The following FRY variants were observed in gnomAD, a reference collection of about 807,000 sequenced individuals.
FRY encodes FRY microtubule binding protein, also known as protein furry homolog.
A neutral mutation model predicts 348.4 loss-of-function variants in FRY; 128 were observed. The ratio of observed to expected loss-of-function variants is 0.37; its 90% CI spans 0.32 to 0.43. The LOEUF is 0.43. FRY is among the 20% of genes least tolerant of loss of function. FRY has a pLI of 1.00. For missense variants in FRY, 2,736 were observed against 3,695.2 expected (o/e 0.74, Z 6.73); for synonymous variants, 1,370 against 1,374.7 (o/e 1.00, Z 0.08).
chr13:32,093,816 C>T (rs1876498352), intron 2 of FRY, among the ~76,000 whole-genome samples: 1 of 152,174 alleles, frequency 6.6e-6, no homozygotes, highest in African/African-American at 2.4e-5. Flanking sequence ...TTCAGGGACC[C>T]ATCACCCCAA....
chr13:32,058,728 GTGAC>G (rs1768335248), intron 1 of FRY, among the ~76,000 whole-genome samples: 1 of 152,174 alleles, frequency 6.6e-6, no homozygotes, highest in South Asian at 2.1e-4. Context: ...GGCACCAAAG[GTGAC>G]TGCACTCTGG....
At chr13:32,072,279 G>A (rs1566055481) in intron 1 of FRY, among the ~76,000 whole-genome samples, 1 of 152,086 alleles carries the variant, frequency 6.6e-6, no homozygotes, top group Non-Finnish European at 1.5e-5. Context: ...AATTAAGCTT[G>A]CCTTTGGTTA....
At chr13:32,062,504 A>G (rs779511406) in intron 1 of FRY, among the ~76,000 whole-genome samples, 3 of 152,212 alleles carry the variant, frequency 2.0e-5, no homozygotes, top group Non-Finnish European at 4.4e-5. Context: ...ATCAGAAACA[A>G]CTAATCTGCT....
intron 2 of FRY, among the ~76,000 whole-genome samples, chr13:32,083,648 C>T (rs1293058348): frequency 1.3e-5 from 2 of 152,148 alleles, no homozygotes; most frequent in African/African-American, 4.8e-5. Context: ...CTTTCTGCAC[C>T]TAGAAGGTGA....
intron 55 of FRY, among the ~76,000 whole-genome samples, chr13:32,269,845 G>C (rs545908527): frequency 1.3e-5 from 2 of 152,160 alleles, no homozygotes; most frequent in African/African-American, 4.8e-5. Flanking sequence ...GAGCCTGGAG[G>C]CCCTTCTTAT....
chr13:32,122,147 A>T (rs1447774093), intron 4 of FRY, among the ~76,000 whole-genome samples: 1 of 152,180 alleles, frequency 6.6e-6, no homozygotes, highest in Non-Finnish European at 1.5e-5. Context: ...ATAGATGCAG[A>T]AAAAGCATTA....
rs374190670 is a variant in FRY, at chr13:32,123,580, C to T, written c.465-706C>T. Among the ~76,000 whole-genome samples the T allele has an allele frequency of 2.2e-3, 332 of 152,282 alleles. 12 individuals are homozygous for T. The South Asian group carries it at 0.065, about 30-fold the overall frequency. On this transcript the variant is annotated intron_variant, in intron 4 of 60. Transcript: ENST00000542859. ...CTTGTTTCCTTACATTGTTTAGCTC[C>T]TTTCACGAGATCTTTCAATGTCCAC...
intron 1 of FRY, among the ~76,000 whole-genome samples, chr13:32,054,866 C>T (rs767949772): frequency 5.9e-5 from 9 of 152,088 alleles, no homozygotes; most frequent in Non-Finnish European, 1.2e-4. Context: ...CGGAGCGAGA[C>T]TCCGTCTCAA....
intron 51 of FRY, among the ~76,000 whole-genome samples, chr13:32,254,732 A>G (rs1887249703): frequency 6.6e-6 from 1 of 152,234 alleles, no homozygotes; most frequent in Non-Finnish European, 1.5e-5. Context: ...TAGCCTGTTC[A>G]CTGGTACCTG....
At chr13:32,085,638 A>G (rs993696770) in intron 2 of FRY, among the ~76,000 whole-genome samples, 8 of 152,194 alleles carry the variant, frequency 5.3e-5, no homozygotes, top group African/African-American at 1.7e-4. Flanking sequence ...CTGAGCATGT[A>G]GGAGATGCTC....
intron 4 of FRY, among the ~76,000 whole-genome samples, chr13:32,119,035 T>G (rs555924572): frequency 1.3e-5 from 2 of 152,294 alleles, no homozygotes; most frequent in Admixed American, 6.5e-5. Context: ...GGATTAAAAA[T>G]TATAGTTTTT....
intron 47 of FRY, 32 bp downstream of exon 47, chr13:32,244,214 A>C (rs768927937): frequency 1.1e-5 from 18 of 1,602,754 alleles, no homozygotes; most frequent in Non-Finnish European, 1.5e-5. Context: ...CTAAGCAACC[A>C]GTCGTTCTAA....
intron 29 of FRY, among the ~76,000 whole-genome samples, chr13:32,200,289 T>G (rs549812494): frequency 5.9e-5 from 9 of 152,318 alleles, no homozygotes; most frequent in Admixed American, 2.0e-4. Flanking sequence ...TCTTAGATAA[T>G]GTAATTATGT....
intron 1 of FRY, among the ~76,000 whole-genome samples, chr13:32,042,504 A>G (rs1037821298): frequency 2.8e-5 from 4 of 142,310 alleles, no homozygotes; most frequent in Non-Finnish European, 4.4e-5. Context: ...TGGAGATGGG[A>G]CTGTTAATTA....
intron 58 of FRY, among the ~76,000 whole-genome samples, chr13:32,283,881 T>A (rs920040779): frequency 5.3e-5 from 8 of 152,242 alleles, no homozygotes; most frequent in Admixed American, 1.3e-4. Context: ...AATCAGCATT[T>A]CCAACTAATG....
In FRY at chr13:32,247,481, C is replaced by T; in HGVS notation, c.6987C>T (p.Asp2329=). The T allele has an allele frequency of 6.2e-7, 1 of 1,612,946 alleles. No individual in the cohort carries two copies. Among genetic ancestry groups the T allele is most frequent in the Non-Finnish European group, 8.5e-7 (1 of 1,179,002 alleles). ...AGGAATTACCTGGGAAAACCCTGGA[C>T]TTCCACTTCGATATTTCGGAGGTAC... ...ASKELPGKTL[D]FHFDISETPI... is the part of the protein sequence containing the mutation. The change falls in exon 48 of 61, where the codon GAC becomes GAT. Residue 2329 remains aspartate, a synonymous_variant. Coordinates refer to ENST00000542859, the MANE Select transcript of FRY (RefSeq NM_023037.3).
chr13:32,278,096 A>G (rs1035950398), intron 57 of FRY, among the ~76,000 whole-genome samples: 1 of 152,222 alleles, frequency 6.6e-6, no homozygotes, highest in Non-Finnish European at 1.5e-5. Context: ...GTTGACCAGA[A>G]TCACCCAGCC....
chr13:32,143,138 CT>C (rs1487894125), intron 11 of FRY, among the ~76,000 whole-genome samples: 1 of 152,162 alleles, frequency 6.6e-6, no homozygotes, highest in Non-Finnish European at 1.5e-5. Flanking sequence ...CAAAAGGCCC[CT>C]CATGTGCTAT....
At chr13:32,235,508 G>A (rs565407472) in intron 42 of FRY, among the ~76,000 whole-genome samples, 14 of 152,240 alleles carry the variant, frequency 9.2e-5, no homozygotes, top group African/African-American at 2.6e-4. Context: ...CCTATAATCC[G>A]AGCTACTCAG....
Sources: gnomAD v4.1 joint callset for allele counts (sites outside exome capture counted in the v4.1 genomes callset) on GRCh38, gnomAD v4.1.1 for gene constraint, MANE v1.5 for transcripts, NCBI Gene and HGNC (gene_info 2026-07-23, HGNC 2026-07-21) for gene names.